Variants in CEP290 observed in about 807,000 individuals in gnomAD.
The protein encoded by CEP290 is centrosomal protein 290.
A neutral mutation model predicts 344.9 loss-of-function variants in CEP290; 317 were observed. That is an observed-to-expected ratio of 0.92 (90% CI 0.84 to 1.01). The LOEUF (loss-of-function observed/expected upper bound fraction) is 1.01, where lower values mean the gene tolerates loss of function less well. Ranked by LOEUF, CEP290 falls within the 50% of genes least tolerant of loss-of-function variation. The pLI is 0.00. For synonymous variants in CEP290, 932 were observed against 895.8 expected, an observed-to-expected ratio of 1.04 and a Z score of -0.72; for missense variants, 2,754 against 2,761.4, an observed-to-expected ratio of 1.00 and a Z score of 0.06.
chr12:88,070,244 G>C (rs1026531283), intron 43 of CEP290, among the ~76,000 whole-genome samples: 5 of 152,166 alleles, frequency 3.3e-5, no homozygotes, highest in African/African-American at 1.2e-4. Flanking sequence ...CTTTGCAAAG[G>C]AGTAGAAGGC....
At chr12:88,108,041 T>C (rs2038414458) in intron 23 of CEP290, among the ~76,000 whole-genome samples, 1 of 151,996 alleles carries the variant, frequency 6.6e-6, no homozygotes, top group South Asian at 2.1e-4. Flanking sequence ...TTGTATAGCA[T>C]AGTATATACA....
At chr12:88,054,315 G>A in intron 51 of CEP290, 25 bp downstream of exon 51, 1 of 1,474,752 alleles carries the variant, frequency 6.8e-7, no homozygotes, top group Non-Finnish European at 9.3e-7. Context: ...AAAAAACAAA[G>A]TAGTCATATG....
intron 3 of CEP290, 66 bp from the exon 4 acceptor site, chr12:88,139,630 A>G: frequency 8.3e-7 from 1 of 1,203,352 alleles, no homozygotes; most frequent in Non-Finnish European, 1.1e-6. Context: ...GAAAATAAAA[A>G]TTCTGTTTTA....
chr12:88,054,094 G>A (rs918592330), intron 51 of CEP290, among the ~76,000 whole-genome samples: 3 of 152,060 alleles, frequency 2.0e-5, no homozygotes, highest in African/African-American at 2.4e-5. Flanking sequence ...CTCATTCTAT[G>A]CTCTTAGAAA....
intron 44 of CEP290, among the ~76,000 whole-genome samples, chr12:88,065,580 T>C (rs1249614340): frequency 6.6e-6 from 1 of 152,188 alleles, no homozygotes; most frequent in African/African-American, 2.4e-5. Flanking sequence ...CATCTGTGAT[T>C]TCCTGTCCCT....
chr12:88,134,576 T>C (rs555645806), intron 6 of CEP290, among the ~76,000 whole-genome samples: 104 of 152,296 alleles, frequency 6.8e-4, no homozygotes, highest in African/African-American at 2.3e-3. Context: ...GAAGGCAAGA[T>C]AGCACAGACT....
At chr12:88,072,989 C>G (rs1342636113) in intron 41 of CEP290, among the ~76,000 whole-genome samples, 1 of 152,032 alleles carries the variant, frequency 6.6e-6, no homozygotes, top group Non-Finnish European at 1.5e-5. Flanking sequence ...GGGTAGGTGT[C>G]ATGGTTTATT....
intron 13 of CEP290, 126 bp from the exon 14 acceptor site, chr12:88,121,292 T>C: frequency 1.5e-6 from 1 of 666,782 alleles, no homozygotes; most frequent in East Asian, 2.9e-5. Context: ...TGTCATTTTA[T>C]ATTTGTAAGA....
chr12:88,084,842 T>C lies in CEP290; in HGVS notation c.4448A>G (p.Glu1483Gly). Residue 1483 changes from glutamate to glycine, a missense_variant, in exon 35 of 54, where the codon GAG (glutamate) becomes GGG (glycine). By Grantham distance (98) the Glu-to-Gly change is moderately conservative (BLOSUM62 -2). Coordinates refer to ENST00000552810, the MANE Select transcript of CEP290 (RefSeq NM_025114.4). The part of the protein sequence containing the change: ...TCKSLEEKLK[E>G]KESALRLAEQ... ...TGCTAACCTTAAAGCAGATTCTTTC[T>C]CTTTTAGTTTCTGCAATGATTAAAT... The C allele has an allele frequency of 6.5e-7, 1 of 1,547,452 alleles. No homozygotes were observed.
chr12:88,050,056 C>CAA, intron 53 of CEP290: 4 of 212,422 alleles, frequency 1.9e-5, no homozygotes, highest in Non-Finnish European at 3.6e-5. Context: ...AAAAGAATTT[C>CAA]AAAAAAAAAA....
At chr12:88,054,573 T>C (rs1165593177) in intron 50 of CEP290, among the ~76,000 whole-genome samples, 160 bp from the exon 51 acceptor site, 1 of 152,168 alleles carries the variant, frequency 6.6e-6, no homozygotes, top group African/African-American at 2.4e-5. Context: ...CAACAAGTAT[T>C]GAGTAACTAC....
intron 39 of CEP290, among the ~76,000 whole-genome samples, 184 bp downstream of exon 39, chr12:88,078,908 A>C (rs1318444980): frequency 6.6e-6 from 1 of 152,176 alleles, no homozygotes; most frequent in African/African-American, 2.4e-5. Context: ...CCAAGATGAT[A>C]ATCAGTAAAT....
At chr12:88,126,089 G>A (rs2039710112) in intron 12 of CEP290, among the ~76,000 whole-genome samples, 1 of 151,902 alleles carries the variant, frequency 6.6e-6, no homozygotes. Context: ...CATAAACATA[G>A]AAAAATAAAC....
Position 88,090,735 on chromosome 12 carries a change from T to C in CEP290, c.3566A>G (p.Asp1189Gly). ...EVESLRMQLL[D>G]YQAQSDEKSL... ...AGCCAATACTGCACATACCTGATAG[T>C]CTAGCAGTTGCATTCTGAGGGACTC... The change falls in exon 30 of 54, where the codon GAC becomes GGC. Residue 1189 changes from aspartate (D) to glycine (G), a missense_variant. Coordinates refer to ENST00000552810, the MANE Select transcript of CEP290 (RefSeq NM_025114.4). 6.5e-7 allele frequency: 1 copy of C among 1,543,144 alleles called. No individual in the cohort carries two copies. Among genetic ancestry groups the C allele is most frequent in the Non-Finnish European group, 8.8e-7 (1 of 1,136,172 alleles).
At position 88,129,804 on chromosome 12, in the gene CEP290, G is replaced by A. The variant is rs2138085855; in HGVS notation, c.742C>T (p.Gln248Ter). The change falls in exon 10 of 54, where the codon CAG becomes TAG. Residue 248 changes from glutamine to a stop codon, truncating the protein, a stop_gained. Transcript: ENST00000552810. LOFTEE classifies it high-confidence loss of function. ...TCATCAGTCATCTTCTCCATTTCCT[G>A]TACAGACTCTTCTAAATTTTTTCTC... ...EMRKNLEESV[Q>*]EMEKMTDEYN... 2 of 1,469,008 alleles carry A rather than the reference G, an allele frequency of 1.4e-6. No homozygotes were observed. Among genetic ancestry groups the A allele is most frequent in the Non-Finnish European group, 1.8e-6 (2 of 1,108,108 alleles). The allele number at this position is 1,469,008 out of a possible 1,614,324, so 91.0% of individuals were successfully genotyped here.
Position 88,110,465 on chromosome 12 carries a change from C to T in CEP290, c.2367+737G>A, listed in dbSNP as rs1022778401. 2.6e-5 allele frequency among the ~76,000 whole-genome samples: 4 copies of T among 152,030 alleles called. No homozygotes were observed. The South Asian group carries it at 6.2e-4, about 24-fold the overall frequency. Reference sequence around the variant, plus strand: ...GTGGCTCACGTCTGTAACCCTAGCACCTTGGGAGGCCAAGGCAGGCGAATC... The same window carrying T: ...GTGGCTCACGTCTGTAACCCTAGCATCTTGGGAGGCCAAGGCAGGCGAATC... On this transcript the variant is annotated intron_variant, in intron 22 of 53. Coordinates refer to ENST00000552810, the MANE Select transcript of CEP290 (RefSeq NM_025114.4).
intron 3 of CEP290, among the ~76,000 whole-genome samples, chr12:88,140,184 C>T (rs2040565502): frequency 1.3e-5 from 2 of 152,134 alleles, no homozygotes. Flanking sequence ...TGTCTTTCCA[C>T]TACTTTTTTT....
chr12:88,062,907 A>G, intron 45 of CEP290, 129 bp from the exon 46 acceptor site: 1 of 591,198 alleles, frequency 1.7e-6, no homozygotes. Flanking sequence ...GGGTCTCTAT[A>G]TTAACAAGGA....
intron 43 of CEP290, among the ~76,000 whole-genome samples, chr12:88,070,978 A>C (rs1031416102): frequency 6.6e-6 from 1 of 152,168 alleles, no homozygotes; most frequent in Non-Finnish European, 1.5e-5. Context: ...AAAGGCTTTG[A>C]AAAATGGAAC....
Sources: gnomAD v4.1 joint callset for allele counts (sites outside exome capture counted in the v4.1 genomes callset) on GRCh38, gnomAD v4.1.1 for gene constraint, MANE v1.5 for transcripts, NCBI Gene and HGNC (gene_info 2026-07-23, HGNC 2026-07-21) for gene names.